The following RNF150 variants were observed in gnomAD, a reference collection of about 807,000 sequenced individuals.
RNF150 encodes the protein ring finger protein 150.
Under a neutral mutation model 39.3 loss-of-function variants are expected in RNF150, and 24 were observed. That is an observed-to-expected ratio of 0.61 (90% CI 0.44 to 0.86). The LOEUF (loss-of-function observed/expected upper bound fraction) is 0.86. Ranked by LOEUF, RNF150 falls within the 40% of genes least tolerant of loss-of-function variation. The pLI is 0.00. For missense variants in RNF150, 502 were observed against 587.8 expected (o/e 0.85, Z 1.51); for synonymous variants, 255 against 227.3 (o/e 1.12, Z -1.10).
At chr4:141,131,488 C>T (rs529215535) in intron 1 of RNF150, among the ~76,000 whole-genome samples, 5 of 152,170 alleles carry the variant, frequency 3.3e-5, no homozygotes, top group Admixed American at 6.5e-5. Flanking sequence ...GTGTTCCTAC[C>T]ACCAGGGAAA....
intron 5 of RNF150, among the ~76,000 whole-genome samples, chr4:140,923,594 C>T (rs991490516): frequency 1.3e-5 from 2 of 152,112 alleles, no homozygotes; most frequent in Admixed American, 1.3e-4. Context: ...CTAGAAATAC[C>T]ATTTGACCCA....
chr4:140,999,985 A>AGAAGAAGGAG (rs374509935), intron 1 of RNF150, among the ~76,000 whole-genome samples: 1 of 38,952 alleles, frequency 2.6e-5, no homozygotes. Context: ...GAAAAGAAGA[A>AGAAGAAGGAG]AAGAAGAAAA....
At chr4:141,120,912 T>C (rs1052573770) in intron 1 of RNF150, among the ~76,000 whole-genome samples, 9 of 152,152 alleles carry the variant, frequency 5.9e-5, no homozygotes, top group Admixed American at 2.6e-4. Flanking sequence ...GGGCAGCAGA[T>C]GGCAGGGGGC....
At chr4:140,939,619 TG>T (rs1200571580) in intron 4 of RNF150, among the ~76,000 whole-genome samples, 1 of 6,906 alleles carries the variant, frequency 1.4e-4, no homozygotes, top group Non-Finnish European at 6.3e-4. Context: ...TGTGTGTGTG[TG>T]TGTGTGTGTG....
chr4:140,902,134 C>A (rs565507176), intron 6 of RNF150, among the ~76,000 whole-genome samples: 3 of 152,180 alleles, frequency 2.0e-5, no homozygotes, highest in East Asian at 3.9e-4. Flanking sequence ...ATGGTAGGAC[C>A]AGACACAGGG....
intron 6 of RNF150, among the ~76,000 whole-genome samples, chr4:140,870,212 G>A (rs1348526137): frequency 7.2e-5 from 11 of 152,098 alleles, no homozygotes; most frequent in African/African-American, 1.9e-4. Flanking sequence ...GCTCTTATCC[G>A]TTTCCTAGAT....
At chr4:141,154,023 A>G (rs1727343740) in intron 1 of RNF150, among the ~76,000 whole-genome samples, 1 of 152,232 alleles carries the variant, frequency 6.6e-6, no homozygotes, top group South Asian at 2.1e-4. Context: ...TGTAAAACAG[A>G]TAATCATTAT....
intron 4 of RNF150, 77 bp from the exon 5 acceptor site, chr4:140,926,150 C>A: frequency 9.8e-7 from 1 of 1,023,178 alleles, no homozygotes; most frequent in South Asian, 1.3e-5. Context: ...AGGGACTCGT[C>A]CAAGGTCACA....
In RNF150 at chr4:141,178,548, C is replaced by A. The variant is rs562994668; in HGVS notation, c.-6+34246G>T. ...AATTTTAGTGCAAAAGAGTGGGTTCCACTTCTCAATTGCTAAAAATTATCA... is the reference window on the plus strand; with the variant it reads ...AATTTTAGTGCAAAAGAGTGGGTTCAACTTCTCAATTGCTAAAAATTATCA... On this transcript the variant is annotated intron_variant, in intron 1 of 7. Transcript: ENST00000420921. Among the ~76,000 whole-genome samples the A allele has an allele frequency of 1.6e-3, 238 of 152,118 alleles. 2 individuals carry two copies. The highest frequency in any genetic ancestry group is 5.4e-3 in the African/African-American group (223 of 41,496).
intron 1 of RNF150, among the ~76,000 whole-genome samples, chr4:141,154,071 C>T (rs1423276586): frequency 1.3e-5 from 2 of 152,158 alleles, no homozygotes; most frequent in Non-Finnish European, 2.9e-5. Context: ...CTAAATGAGT[C>T]CATATATGTA....
At chr4:140,914,768 G>A (rs7678079) in intron 5 of RNF150, among the ~76,000 whole-genome samples, 5 of 151,914 alleles carry the variant, frequency 3.3e-5, no homozygotes, top group Admixed American at 1.3e-4. Flanking sequence ...TATATTTCCC[G>A]TAGCAAAATA....
intron 1 of RNF150, among the ~76,000 whole-genome samples, chr4:141,080,536 T>A (rs1436245020): frequency 2.0e-5 from 3 of 152,324 alleles, no homozygotes; most frequent in Middle Eastern, 3.4e-3. Context: ...ATATTCCTTA[T>A]TTTTCTCAAA....
chr4:141,133,770 G>C (rs184387376), upstream of RNF150, among the ~76,000 whole-genome samples: 26 of 152,248 alleles, frequency 1.7e-4, no homozygotes, highest in East Asian at 4.6e-3. Context: ...TGAGCTCCCT[G>C]ATTACCTGTC....
rs1299682725 is a variant in RNF150, at chr4:140,860,598, AT to A, written c.*7662del. On this transcript the variant is annotated 3_prime_UTR_variant, in exon 7 of 7. Coordinates refer to ENST00000515673, the MANE Select transcript of RNF150 (RefSeq NM_020724.2). ...ACATCAATCATTTTACAACAAAAGCATTTTGTTGCAAGCATTTGTTTACAAT... is the reference window on the plus strand; with the variant it reads ...ACATCAATCATTTTACAACAAAAGCATTTGTTGCAAGCATTTGTTTACAAT... The A allele has an allele frequency of 6.6e-6, 1 of 152,158 alleles. No individual in the cohort carries two copies. Among genetic ancestry groups the A allele is most frequent in the Non-Finnish European group, 1.5e-5 (1 of 68,040 alleles). The allele number at this position is 152,158 out of a possible 1,614,324, so 9.4% of individuals were successfully genotyped here. A position where few individuals can be genotyped will look rare whatever the true frequency, so the allele number is the denominator to read the frequency against.
intron 1 of RNF150, among the ~76,000 whole-genome samples, chr4:141,200,556 T>C (rs1578794201): frequency 2.6e-5 from 4 of 151,022 alleles, no homozygotes; most frequent in South Asian, 4.2e-4. Flanking sequence ...GGCACTAATC[T>C]CATTGATGAG....
chr4:140,943,844 CA>C (rs775635790), intron 4 of RNF150, among the ~76,000 whole-genome samples: 2 of 151,732 alleles, frequency 1.3e-5, no homozygotes, highest in Non-Finnish European at 2.9e-5. Context: ...GGAGAGTTTG[CA>C]AAAATCAAAG....
Position 140,894,329 on chromosome 4 carries a change from T to G in RNF150, c.1198+16815A>C, listed in dbSNP as rs553177913. On this transcript the variant is annotated intron_variant, in intron 6 of 6. Transcript: ENST00000515673. ...TTCCAGATTAACTTCTGATGAGGTC[T>G]TCTAGGTATCTTCAGAGTGTTTTAT... Among the ~76,000 whole-genome samples, 9 of 152,396 alleles carry G rather than the reference T, an allele frequency of 5.9e-5. No individual in the cohort carries two copies. In the East Asian group the frequency reaches 1.3e-3, roughly 23 times the overall value.
chr4:140,959,575 T>G (rs1297397149), intron 2 of RNF150, among the ~76,000 whole-genome samples: 3 of 151,842 alleles, frequency 2.0e-5, no homozygotes, highest in Non-Finnish European at 2.9e-5. Context: ...AGGAAAATGG[T>G]CTCAAGAAAA....
intron 1 of RNF150, among the ~76,000 whole-genome samples, chr4:141,162,095 A>G (rs1450761351): frequency 6.6e-6 from 1 of 152,188 alleles, no homozygotes; most frequent in Non-Finnish European, 1.5e-5. Context: ...TTTGCACCAC[A>G]TGCCTGGAAA....
Sources: allele counts gnomAD v4.1 joint callset (sites outside exome capture counted in the v4.1 genomes callset), GRCh38; gene constraint gnomAD v4.1.1; transcripts MANE v1.5; gene names NCBI Gene and HGNC (gene_info 2026-07-23, HGNC 2026-07-21).